Variants in MAP3K7CL observed in about 807,000 individuals in gnomAD.
MAP3K7CL encodes the protein MAP3K7 C-terminal-like protein.
A neutral mutation model predicts 18.6 loss-of-function variants in MAP3K7CL; 16 were observed. The ratio of observed to expected loss-of-function variants is 0.86; its 90% CI spans 0.58 to 1.31. The LOEUF is 1.31. MAP3K7CL is among the 50% of genes most tolerant of loss of function. The pLI, the probability that MAP3K7CL is intolerant of heterozygous loss-of-function variation, is 0.00. For synonymous variants in MAP3K7CL, 65 were observed against 66.8 expected (o/e 0.97, Z 0.13); for missense variants, 163 against 174.4 (o/e 0.93, Z 0.37).
chr21:29,132,275 A>G (rs1433644293), intron 1 of MAP3K7CL, among the ~76,000 whole-genome samples: 1 of 143,192 alleles, frequency 7.0e-6, no homozygotes, highest in Non-Finnish European at 1.5e-5. Context: ...TGCCCATTCC[A>G]TTTTATCTGC....
intron 4 of MAP3K7CL, among the ~76,000 whole-genome samples, chr21:29,170,066 AATACAT>A (rs2087786756): frequency 6.6e-6 from 1 of 152,262 alleles, no homozygotes; most frequent in Non-Finnish European, 1.5e-5. Context: ...TCTAGCCTAT[AATACAT>A]ATTGATTTGT....
At chr21:29,077,741 C>A (rs934013385) in intron 1 of MAP3K7CL, 4 of 152,392 alleles carry the variant, frequency 2.6e-5, no homozygotes, top group Non-Finnish European at 4.4e-5. Flanking sequence ...ACCATCCAGA[C>A]GTATGTGAAG....
chr21:29,113,549 G>C (rs1287216763), intron 4 of MAP3K7CL, among the ~76,000 whole-genome samples: 1 of 152,104 alleles, frequency 6.6e-6, no homozygotes, highest in Non-Finnish European at 1.5e-5. Flanking sequence ...TGCCTCCTGG[G>C]CTCAAGCAAT....
Position 29,174,759 on chromosome 21 carries a change from A to T in MAP3K7CL, c.296A>T (p.Asp99Val). The change falls in exon 5 of 5, where the codon GAT becomes GTT. Residue 99 changes from aspartate to valine, a missense_variant. Asp to Val is a radical substitution (Grantham distance 152). Transcript: ENST00000399928. The stretch of plus-strand genomic sequence containing the variant: ...GATCAGGCAGAAAAGGAGAAGGTGG[A>T]TGCTGCTGAGCTGGTTCGGGAATTC... ...KLDQAEKEKV[D>V]AAELVREFEA... 1 of 1,614,146 alleles carries T rather than the reference A, an allele frequency of 6.2e-7. No individual in the cohort carries two copies. Among genetic ancestry groups the T allele is most frequent in the Non-Finnish European group, 8.5e-7 (1 of 1,180,020 alleles).
chr21:29,095,361 G>C (rs1231836583), intron 4 of MAP3K7CL, among the ~76,000 whole-genome samples: 2 of 152,096 alleles, frequency 1.3e-5, no homozygotes, highest in Non-Finnish European at 1.5e-5. Context: ...GGAGCCTTTT[G>C]TGTGGGGCAG....
At chr21:29,102,124 C>T (rs895949207) in intron 4 of MAP3K7CL, among the ~76,000 whole-genome samples, 1 of 152,204 alleles carries the variant, frequency 6.6e-6, no homozygotes, top group African/African-American at 2.4e-5. Context: ...TGTGGGGATC[C>T]TTGCAGAGGT....
intron 4 of MAP3K7CL, among the ~76,000 whole-genome samples, chr21:29,099,261 ATTTTTTTT>A (rs968362985): frequency 8.4e-5 from 7 of 83,068 alleles, no homozygotes; most frequent in African/African-American, 2.6e-4. Context: ...CAGCTAATTG[ATTTTTTTT>A]TTTTTTTTTT....
chr21:29,166,646 G>A (rs1217928934), intron 4 of MAP3K7CL, among the ~76,000 whole-genome samples: 1 of 152,132 alleles, frequency 6.6e-6, no homozygotes, highest in African/African-American at 2.4e-5. Context: ...CATACAAATG[G>A]AATCATATAA....
At chr21:29,164,169 TA>T (rs2087627521) in intron 4 of MAP3K7CL, among the ~76,000 whole-genome samples, 1 of 152,100 alleles carries the variant, frequency 6.6e-6, no homozygotes, top group South Asian at 2.1e-4. Context: ...TATTTATAAA[TA>T]CATGAGCTTG....
At chr21:29,123,064 T>C (rs942069243) in intron 4 of MAP3K7CL, among the ~76,000 whole-genome samples, 11 of 145,080 alleles carry the variant, frequency 7.6e-5, no homozygotes, top group African/African-American at 1.8e-4. Context: ...TCTTTTTTTT[T>C]TTTTTTTTTT....
chr21:29,106,253 C>T (rs974928136), intron 4 of MAP3K7CL, among the ~76,000 whole-genome samples: 1 of 152,114 alleles, frequency 6.6e-6, no homozygotes. Context: ...GCGGCATGAT[C>T]TCAGCTCACC....
chr21:29,158,239 C>T (rs1483890839), intron 3 of MAP3K7CL, among the ~76,000 whole-genome samples: 1 of 152,178 alleles, frequency 6.6e-6, no homozygotes, highest in African/African-American at 2.4e-5. Flanking sequence ...TTCTGGGGCA[C>T]AGACTGGAGG....
chr21:29,159,231 G>T (rs1344580576), intron 3 of MAP3K7CL, among the ~76,000 whole-genome samples: 1 of 152,166 alleles, frequency 6.6e-6, no homozygotes, highest in Non-Finnish European at 1.5e-5. Flanking sequence ...TAAACTTGGG[G>T]AAAACTCGTT....
At chr21:29,110,786 T>G (rs2086405648) in intron 4 of MAP3K7CL, among the ~76,000 whole-genome samples, 1 of 152,228 alleles carries the variant, frequency 6.6e-6, no homozygotes, top group Non-Finnish European at 1.5e-5. Flanking sequence ...TGCTTTCATG[T>G]TCTTAATTGT....
chr21:29,143,292 A>G (rs2146664999), intron 2 of MAP3K7CL, among the ~76,000 whole-genome samples: 1 of 152,294 alleles, frequency 6.6e-6, no homozygotes, highest in South Asian at 2.1e-4. Flanking sequence ...GGAAATGTCA[A>G]CAAATTCAGT....
chr21:29,131,642 T>C (rs1258717532), intron 1 of MAP3K7CL, among the ~76,000 whole-genome samples: 1 of 151,310 alleles, frequency 6.6e-6, no homozygotes, highest in African/African-American at 2.4e-5. Flanking sequence ...GTGGAGAGCT[T>C]TTTGGTGCAT....
intron 2 of MAP3K7CL, among the ~76,000 whole-genome samples, chr21:29,147,299 C>T (rs998155014): frequency 1.1e-4 from 17 of 151,868 alleles, no homozygotes; most frequent in African/African-American, 3.1e-4. Flanking sequence ...GTAGTATATG[C>T]ACTGTATCTG....
At chr21:29,077,915 C>T (rs769701000) in intron 1 of MAP3K7CL, among the ~76,000 whole-genome samples, 3 of 152,166 alleles carry the variant, frequency 2.0e-5, no homozygotes, top group Non-Finnish European at 4.4e-5. Context: ...AGCTAAAAGC[C>T]GTGAGGATTG....
At chr21:29,133,080 A>C (rs952864014) in intron 1 of MAP3K7CL, among the ~76,000 whole-genome samples, 9 of 152,200 alleles carry the variant, frequency 5.9e-5, no homozygotes, top group African/African-American at 2.2e-4. Context: ...CATTCATTCT[A>C]GATGTATATT....
Sources: gnomAD v4.1 joint callset for allele counts (sites outside exome capture counted in the v4.1 genomes callset) on GRCh38, gnomAD v4.1.1 for gene constraint, MANE v1.5 for transcripts, NCBI Gene and HGNC (gene_info 2026-07-23, HGNC 2026-07-21) for gene names.